Variants in INPP4B observed in about 807,000 individuals in gnomAD.
INPP4B encodes inositol polyphosphate 4-phosphatase type II.
A neutral mutation model predicts 122.5 loss-of-function variants in INPP4B; 55 were observed. That is an observed-to-expected ratio of 0.45 (90% CI 0.36 to 0.56). The LOEUF (loss-of-function observed/expected upper bound fraction) is 0.56, where lower values mean the gene tolerates loss of function less well. INPP4B is among the 20% of genes least tolerant of loss of function. The pLI, the probability that INPP4B is intolerant of heterozygous loss-of-function variation, is 0.00. For missense variants in INPP4B, 1,000 were observed against 1,097.7 expected (o/e 0.91, Z 1.26); for synonymous variants, 403 against 388.7 (o/e 1.04, Z -0.43).
chr4:142,479,557 A>G (rs906465807), intron 2 of INPP4B, among the ~76,000 whole-genome samples: 3 of 152,146 alleles, frequency 2.0e-5, no homozygotes, highest in African/African-American at 7.2e-5. Flanking sequence ...CAAGGAATCA[A>G]CCTAAATCCC....
chr4:142,200,492 C>T (rs574374442), intron 14 of INPP4B, among the ~76,000 whole-genome samples: 74 of 152,098 alleles, frequency 4.9e-4, no homozygotes, highest in Non-Finnish European at 7.1e-4. Context: ...CTAGAAAATA[C>T]GTGTCCTATA....
intron 1 of INPP4B, among the ~76,000 whole-genome samples, chr4:142,756,633 T>G (rs1419799371): frequency 6.6e-6 from 1 of 152,058 alleles, no homozygotes; most frequent in Non-Finnish European, 1.5e-5. Flanking sequence ...TTAGGCATAC[T>G]AATAGATATG....
At chr4:142,464,644 A>G (rs1817416610) in intron 2 of INPP4B, among the ~76,000 whole-genome samples, 1 of 152,150 alleles carries the variant, frequency 6.6e-6, no homozygotes, top group South Asian at 2.1e-4. Flanking sequence ...AGTAAGAGAA[A>G]TCATGAAACT....
intron 7 of INPP4B, among the ~76,000 whole-genome samples, chr4:142,390,033 A>G (rs560761824): frequency 1.3e-5 from 2 of 152,310 alleles, no homozygotes; most frequent in South Asian, 4.1e-4. Context: ...TAAATTGAAC[A>G]TTGGAATAAA....
chr4:142,295,626 A>G (rs1260068720), intron 9 of INPP4B, among the ~76,000 whole-genome samples: 1 of 152,198 alleles, frequency 6.6e-6, no homozygotes, highest in Admixed American at 6.5e-5. Flanking sequence ...CTTGCATTCA[A>G]ATTAATTTAA....
chr4:142,696,055 AG>A (rs2150740878), intron 2 of INPP4B, among the ~76,000 whole-genome samples: 1 of 152,290 alleles, frequency 6.6e-6, no homozygotes, highest in Admixed American at 6.5e-5. Flanking sequence ...GGATTGAGCA[AG>A]AAAATGTTGA....
At chr4:142,411,792 T>A (rs549580392) in intron 5 of INPP4B, among the ~76,000 whole-genome samples, 1 of 152,270 alleles carries the variant, frequency 6.6e-6, no homozygotes, top group Admixed American at 6.5e-5. Flanking sequence ...CTCGGGAGGC[T>A]GAGGCACGAG....
At chr4:142,310,368 G>C (rs1180760423) in intron 8 of INPP4B, among the ~76,000 whole-genome samples, 1 of 151,440 alleles carries the variant, frequency 6.6e-6, no homozygotes, top group East Asian at 1.9e-4. Flanking sequence ...GCATATACTG[G>C]GTTAAATAAA....
Position 142,266,477 on chromosome 4 carries a change from TG to T in INPP4B, c.615+4185del, listed in dbSNP as rs1319801802. Among the ~76,000 whole-genome samples the T allele has an allele frequency of 2.0e-5, 3 of 152,340 alleles. No homozygotes were observed. The East Asian group carries it at 5.8e-4, about 29-fold the overall frequency. ...ATTGAAAGAAAATATTTGATATTTT[TG>T]TAAAGTTAATAATTTGTTACGTGTT... On this transcript the variant is annotated intron_variant, in intron 10 of 25. Transcript: ENST00000262992.
chr4:142,325,718 T>G (rs376563868), intron 7 of INPP4B, among the ~76,000 whole-genome samples: 3 of 152,230 alleles, frequency 2.0e-5, no homozygotes, highest in African/African-American at 4.8e-5. Flanking sequence ...GGTCTCTTTA[T>G]GTTTAATTGG....
intron 2 of INPP4B, among the ~76,000 whole-genome samples, chr4:142,650,219 C>A (rs944964686): frequency 6.6e-6 from 1 of 152,126 alleles, no homozygotes; most frequent in African/African-American, 2.4e-5. Flanking sequence ...GAAGGAAGCA[C>A]TAAACATGGA....
intron 5 of INPP4B, among the ~76,000 whole-genome samples, chr4:142,419,245 C>T (rs1377846919): frequency 6.6e-6 from 1 of 152,008 alleles, no homozygotes; most frequent in African/African-American, 2.4e-5. Context: ...ATCTGGTAGC[C>T]AGTTGAATAT....
intron 2 of INPP4B, among the ~76,000 whole-genome samples, chr4:142,673,571 T>C (rs1757298055): frequency 6.6e-6 from 1 of 152,088 alleles, no homozygotes; most frequent in Non-Finnish European, 1.5e-5. Context: ...ACAAGTGCAG[T>C]AGTGTACCTT....
intron 2 of INPP4B, among the ~76,000 whole-genome samples, chr4:142,686,716 C>T (rs1418049025): frequency 6.6e-6 from 1 of 152,088 alleles, no homozygotes; most frequent in African/African-American, 2.4e-5. Flanking sequence ...ACTTCAAACA[C>T]AGTTTTATCA....
chr4:142,783,523 GT>G (rs1775231664), intron 1 of INPP4B, among the ~76,000 whole-genome samples: 1 of 152,082 alleles, frequency 6.6e-6, no homozygotes, highest in African/African-American at 2.4e-5. Flanking sequence ...CGCATAGACA[GT>G]TTTTATTGAC....
At chr4:142,053,877 T>C (rs1756020463) in intron 25 of INPP4B, among the ~76,000 whole-genome samples, 1 of 152,124 alleles carries the variant, frequency 6.6e-6, no homozygotes, top group Non-Finnish European at 1.5e-5. Context: ...CTATTTGCAC[T>C]TGAATATATC....
intron 12 of INPP4B, among the ~76,000 whole-genome samples, chr4:142,215,892 CAAAAAAAAAAAAAAAAAAAAAAAAAAA>C (rs200657873): frequency 0.2 from 11,029 of 54,814 alleles, 701 homozygotes; most frequent in South Asian, 0.42. Flanking sequence ...GACTCTGTCT[CAAAAAAAAAAAAAAAAAAAAAAAAAAA>C]AAAAAAAAAA....
intron 2 of INPP4B, among the ~76,000 whole-genome samples, chr4:142,516,206 T>G (rs1022794306): frequency 3.9e-5 from 6 of 152,152 alleles, no homozygotes; most frequent in African/African-American, 1.4e-4. Flanking sequence ...ATTCTATTAC[T>G]GCAAACTGGA....
chr4:142,252,186 A>ATT (rs36065435), intron 11 of INPP4B, among the ~76,000 whole-genome samples: 8 of 90,238 alleles, frequency 8.9e-5, no homozygotes, highest in African/African-American at 3.0e-4. Flanking sequence ...TATAGTAGTC[A>ATT]TTTTTTTTTT....
Sources: allele counts gnomAD v4.1 joint callset (sites outside exome capture counted in the v4.1 genomes callset), GRCh38; gene constraint gnomAD v4.1.1; transcripts MANE v1.5; gene names NCBI Gene and HGNC (gene_info 2026-07-23, HGNC 2026-07-21).